The following CSMD3 variants were observed in gnomAD, a reference collection of about 807,000 sequenced individuals.
CSMD3 encodes the protein CUB and Sushi multiple domains 3.
Under a neutral mutation model 435.2 loss-of-function variants are expected in CSMD3, and 177 were observed. The observed-to-expected ratio is 0.41, with a 90% CI of 0.36 to 0.46. The LOEUF is 0.46. CSMD3 is among the 20% of genes least tolerant of loss of function. The pLI is 0.34. For missense variants in CSMD3, 4,265 were observed against 4,504.6 expected, an observed-to-expected ratio of 0.95 and a Z score of 1.52; for synonymous variants, 1,656 against 1,520.5, an observed-to-expected ratio of 1.09 and a Z score of -2.07.
At chr8:112,881,643 C>T (rs2130207562) in intron 10 of CSMD3, among the ~76,000 whole-genome samples, 1 of 152,012 alleles carries the variant, frequency 6.6e-6, no homozygotes, top group Non-Finnish European at 1.5e-5. Context: ...CTTAACAAAT[C>T]CTTGGTGATA....
intron 27 of CSMD3, among the ~76,000 whole-genome samples, chr8:112,544,649 T>C (rs762297120): frequency 3.9e-5 from 6 of 152,170 alleles, no homozygotes; most frequent in South Asian, 2.1e-4. Context: ...GATTTACAAA[T>C]AGTGATTAAA....
chr8:112,603,574 G>C (rs1453196623), intron 22 of CSMD3, among the ~76,000 whole-genome samples: 1 of 152,150 alleles, frequency 6.6e-6, no homozygotes, highest in Non-Finnish European at 1.5e-5. Context: ...TGTATGGTCT[G>C]TAAGTGTTTG....
chr8:112,654,027 A>G (rs1345494458), intron 18 of CSMD3, among the ~76,000 whole-genome samples: 1 of 137,696 alleles, frequency 7.3e-6, no homozygotes, highest in African/African-American at 2.7e-5. Flanking sequence ...GTAAAAAAAA[A>G]GAATGGGGTA....
At chr8:112,947,986 T>G (rs2083675090) in intron 8 of CSMD3, 109 bp from the exon 9 acceptor site, 4 of 621,110 alleles carry the variant, frequency 6.4e-6, no homozygotes, top group African/African-American at 1.8e-5. Flanking sequence ...TTTGTCACTA[T>G]AATCACTGTC....
chr8:112,933,058 G>C (rs1400223425), intron 9 of CSMD3, among the ~76,000 whole-genome samples: 1 of 152,096 alleles, frequency 6.6e-6, no homozygotes, highest in Non-Finnish European at 1.5e-5. Context: ...GGCAAATTTA[G>C]TATCAGTTTT....
chr8:112,893,832 T>C (rs1396482008), intron 10 of CSMD3, among the ~76,000 whole-genome samples: 2 of 151,494 alleles, frequency 1.3e-5, no homozygotes, highest in East Asian at 2.0e-4. Context: ...CAAGTACAAG[T>C]ACAAGTGGGT....
intron 1 of CSMD3, among the ~76,000 whole-genome samples, chr8:113,383,196 A>G (rs1413491087): frequency 6.6e-6 from 1 of 152,098 alleles, no homozygotes; most frequent in Non-Finnish European, 1.5e-5. Context: ...GTGTACTGCA[A>G]AAGAGTAGGG....
chr8:113,076,353 G>T (rs1299599942), intron 5 of CSMD3, among the ~76,000 whole-genome samples: 1 of 151,652 alleles, frequency 6.6e-6, no homozygotes, highest in Admixed American at 6.6e-5. Context: ...TCATAACATT[G>T]GTCTAATCCC....
chr8:113,315,546 T>G (rs2093902723), intron 1 of CSMD3, among the ~76,000 whole-genome samples: 1 of 150,872 alleles, frequency 6.6e-6, no homozygotes, highest in African/African-American at 2.4e-5. Flanking sequence ...GAAAACTTAC[T>G]ATATTTCTTC....
chr8:113,351,834 T>C (rs1470972693), intron 1 of CSMD3, among the ~76,000 whole-genome samples: 1 of 152,218 alleles, frequency 6.6e-6, no homozygotes, highest in East Asian at 1.9e-4. Context: ...GTTTAAAGCC[T>C]TGTTTTCTTG....
chr8:112,954,637 AC>A, intron 8 of CSMD3, 46 bp downstream of exon 8: 1 of 1,199,510 alleles, frequency 8.3e-7, no homozygotes, highest in Non-Finnish European at 1.2e-6. Flanking sequence ...GACACCACAA[AC>A]TTCACTCTTG....
At chr8:113,233,214 C>G (rs1290036753) in intron 3 of CSMD3, among the ~76,000 whole-genome samples, 3 of 151,354 alleles carry the variant, frequency 2.0e-5, no homozygotes, top group Admixed American at 2.0e-4. Context: ...AACTTATATG[C>G]AATTAATAAT....
intron 13 of CSMD3, among the ~76,000 whole-genome samples, chr8:112,697,657 C>G (rs1457906976): frequency 6.6e-6 from 1 of 151,884 alleles, no homozygotes; most frequent in Non-Finnish European, 1.5e-5. Flanking sequence ...TTAATGGGTG[C>G]AGCACACCAA....
In CSMD3 at chr8:113,315,753, C is replaced by T. The variant is rs184248172; in HGVS notation, c.179-960G>A. On this transcript the variant is annotated intron_variant, in intron 1 of 70. Transcript: ENST00000297405. The stretch of plus-strand genomic sequence containing the variant: ...TATTTTTTTGAGACAGAATTTTGCT[C>T]TGTCACCCAGGCTGTAGTGCAGTGG... Among the ~76,000 whole-genome samples the T allele has an allele frequency of 8.4e-4, 127 of 150,654 alleles. 2 individuals are homozygous for T. The East Asian group carries it at 0.017, about 20-fold the overall frequency.
At chr8:112,655,495 C>G (rs923461970) in intron 18 of CSMD3, among the ~76,000 whole-genome samples, 1 of 151,698 alleles carries the variant, frequency 6.6e-6, no homozygotes, top group Non-Finnish European at 1.5e-5. Flanking sequence ...GGAAAAAAAG[C>G]CCATTTCTGT....
intron 2 of CSMD3, among the ~76,000 whole-genome samples, chr8:113,295,954 A>G (rs929586426): frequency 1.3e-5 from 2 of 152,210 alleles, no homozygotes; most frequent in African/African-American, 4.8e-5. Flanking sequence ...ACACCATGGA[A>G]TATTATGCAG....
chr8:112,690,222 C>G (rs1230819045), intron 13 of CSMD3, among the ~76,000 whole-genome samples, 172 bp from the exon 14 acceptor site: 4 of 150,840 alleles, frequency 2.7e-5, no homozygotes, highest in Non-Finnish European at 5.9e-5. Flanking sequence ...ATAAAATGAT[C>G]TTTAGATAAT....
At chr8:113,035,778 A>T (rs1265734413) in intron 5 of CSMD3, among the ~76,000 whole-genome samples, 1 of 152,030 alleles carries the variant, frequency 6.6e-6, no homozygotes, top group Non-Finnish European at 1.5e-5. Flanking sequence ...TAAAAGGATC[A>T]GAGGTATTTG....
intron 3 of CSMD3, among the ~76,000 whole-genome samples, chr8:113,174,386 T>C (rs759028758): frequency 6.6e-6 from 1 of 152,026 alleles, no homozygotes; most frequent in African/African-American, 2.4e-5. Context: ...AAAAATACAG[T>C]GGAGTAGTAA....
Sources: allele counts gnomAD v4.1 joint callset (sites outside exome capture counted in the v4.1 genomes callset), GRCh38; gene constraint gnomAD v4.1.1; transcripts MANE v1.5; gene names NCBI Gene and HGNC (gene_info 2026-07-23, HGNC 2026-07-21).